The following PSPC1 variants were observed in gnomAD, a reference collection of about 807,000 sequenced individuals.
PSPC1 encodes paraspeckle protein 1.
Under a neutral mutation model 51.6 loss-of-function variants are expected in PSPC1, and 14 were observed. That is an observed-to-expected ratio of 0.27 (90% CI 0.18 to 0.42). PSPC1 has a LOEUF of 0.42. PSPC1 is among the 10% of genes least tolerant of loss of function. The probability of loss-of-function intolerance (pLI) is 1.00; values close to 1 mark genes in which losing one functional copy is unlikely to be tolerated. For missense variants in PSPC1, 406 were observed against 701.1 expected (o/e 0.58, Z 4.75); for synonymous variants, 193 against 231.9 (o/e 0.83, Z 1.53).
intron 6 of PSPC1, among the ~76,000 whole-genome samples, chr13:19,718,203 G>C (rs1191006339): frequency 1.5e-4 from 23 of 152,024 alleles, no homozygotes; most frequent in Admixed American, 1.5e-3. Flanking sequence ...TCCAATATAT[G>C]TTATTCGCTG....
At chr13:19,754,477 G>GTTTTTT (rs1886876749) in intron 3 of PSPC1, among the ~76,000 whole-genome samples, 1 of 132,710 alleles carries the variant, frequency 7.5e-6, no homozygotes, top group Non-Finnish European at 1.6e-5. Context: ...TTTTGAGACA[G>GTTTTTT]TCTCGCTCTG....
chr13:19,672,524 A>C (rs1346190129), downstream of PSPC1: 1 of 151,724 alleles, frequency 6.6e-6, no homozygotes, highest in Admixed American at 6.6e-5. Context: ...AAAAGGAAAA[A>C]TTCAGCTCTA....
At chr13:19,754,746 A>G (rs1359180630) in intron 3 of PSPC1, among the ~76,000 whole-genome samples, 1 of 152,186 alleles carries the variant, frequency 6.6e-6, no homozygotes, top group Non-Finnish European at 1.5e-5. Context: ...AGCCATAACT[A>G]GCTCTTAAGT....
At chr13:19,769,248 A>G (rs566234865) in intron 2 of PSPC1, among the ~76,000 whole-genome samples, 1 of 150,192 alleles carries the variant, frequency 6.7e-6, no homozygotes, top group Non-Finnish European at 1.5e-5. Context: ...GACCACCCTC[A>G]CCAACACGTA....
At position 19,759,242 on chromosome 13, in the gene PSPC1, C is replaced by T. The variant is rs558778169; in HGVS notation, c.770+81G>A. 138 of 1,071,436 alleles carry T rather than the reference C, an allele frequency of 1.3e-4. 1 individual carries two copies. In the South Asian group the frequency reaches 1.8e-3, roughly 14 times the overall value. 66.4% of individuals were successfully genotyped at this position (1,071,436 alleles called of 1,614,324 possible). A position where few individuals can be genotyped will look rare whatever the true frequency, so the allele number is the denominator to read the frequency against. Reference sequence around the variant, plus strand: ...CAGATTATATAAATAAACAGAACACCTCATAATCCAATATTTGAAAACAAA... The same window carrying T: ...CAGATTATATAAATAAACAGAACACTTCATAATCCAATATTTGAAAACAAA... On this transcript the variant is annotated intron_variant, in intron 3 of 8. Transcript: ENST00000338910.
chr13:19,758,854 A>AT (rs1418545692), intron 3 of PSPC1, among the ~76,000 whole-genome samples: 1 of 151,796 alleles, frequency 6.6e-6, no homozygotes, highest in Admixed American at 6.6e-5. Context: ...AAAAAAAAAA[A>AT]GTATTTTCAT....
intron 6 of PSPC1, among the ~76,000 whole-genome samples, chr13:19,716,156 C>T (rs1184983391): frequency 6.6e-6 from 1 of 152,140 alleles, no homozygotes; most frequent in Non-Finnish European, 1.5e-5. Context: ...ACATAATACA[C>T]AAATGTTTCA....
intron 1 of PSPC1, among the ~76,000 whole-genome samples, chr13:19,774,840 AAAAG>A (rs781410148): frequency 1.2e-4 from 18 of 151,168 alleles, no homozygotes; most frequent in South Asian, 4.2e-4. Flanking sequence ...AAGAAAAAGA[AAAAG>A]AAAGAAAGAA....
At chr13:19,712,480 C>G (rs555547082) in intron 6 of PSPC1, among the ~76,000 whole-genome samples, 1 of 152,132 alleles carries the variant, frequency 6.6e-6, no homozygotes, top group African/African-American at 2.4e-5. Flanking sequence ...TTATTATTCA[C>G]AAAGTACCTT....
At chr13:19,671,857 C>T, downstream of PSPC1, 3 of 1,614,106 alleles carry the variant, frequency 1.9e-6, no homozygotes, top group Non-Finnish European at 2.5e-6. Context: ...TAGGTGCATA[C>T]AGAGTGCAGC....
chr13:19,674,891 C>G (rs1189042130), exon 8 of PSPC1: 1 of 152,236 alleles, frequency 6.6e-6, no homozygotes, highest in Non-Finnish European at 1.5e-5. Context: ...TAGACTTCCA[C>G]TGACTTGCAG....
chr13:19,731,394 C>T (rs1884094923), intron 5 of PSPC1, among the ~76,000 whole-genome samples: 1 of 137,186 alleles, frequency 7.3e-6, no homozygotes, highest in African/African-American at 2.5e-5. Context: ...ACCTGAAATG[C>T]TCCAAAATCT....
At chr13:19,687,301 C>T (rs1878012127) in intron 6 of PSPC1, among the ~76,000 whole-genome samples, 1 of 152,140 alleles carries the variant, frequency 6.6e-6, no homozygotes, top group African/African-American at 2.4e-5. Context: ...CTGCAGTGTT[C>T]TATGGAGCTT....
chr13:19,771,399 G>A (rs908926456), intron 2 of PSPC1, among the ~76,000 whole-genome samples: 10 of 152,176 alleles, frequency 6.6e-5, no homozygotes, highest in Admixed American at 6.6e-5. Flanking sequence ...GGGCCTCCCA[G>A]AGTGCTGGGA....
chr13:19,749,608 C>A (rs1483516773), intron 4 of PSPC1, among the ~76,000 whole-genome samples: 1 of 149,018 alleles, frequency 6.7e-6, no homozygotes, highest in Non-Finnish European at 1.5e-5. Context: ...ACAACTTGCA[C>A]ATTTTCCACA....
intron 5 of PSPC1, among the ~76,000 whole-genome samples, chr13:19,732,022 G>A (rs550664936): frequency 2.6e-5 from 4 of 152,202 alleles, no homozygotes; most frequent in African/African-American, 9.6e-5. Flanking sequence ...CAAATTTCAA[G>A]ATACCTTGTT....
At chr13:19,757,016 G>A (rs890225509) in intron 3 of PSPC1, among the ~76,000 whole-genome samples, 1 of 151,766 alleles carries the variant, frequency 6.6e-6, no homozygotes, top group African/African-American at 2.4e-5. Flanking sequence ...TACAGTCCCA[G>A]CTACTTGGGA....
intron 2 of PSPC1, among the ~76,000 whole-genome samples, chr13:19,761,201 A>G (rs574045000): frequency 1.4e-4 from 21 of 152,254 alleles, no homozygotes; most frequent in African/African-American, 4.6e-4. Flanking sequence ...AAGGGAAGGC[A>G]GAAGACACCA....
rs372472178 is a variant in PSPC1 at position 19,732,798 on chromosome 13, G to A, written c.1053-2454C>T. 5.9e-5 allele frequency among the ~76,000 whole-genome samples: 9 copies of A among 152,092 alleles called. No individual in the cohort carries two copies. The East Asian group carries it at 1.2e-3, about 20-fold the overall frequency. On this transcript the variant is annotated intron_variant, in intron 5 of 8. Transcript: ENST00000338910. ...AAAAATTTGCTGGACGCGGTGGCACGTGCATGTAATCCCAGCTACTCGGGA... is the reference window on the plus strand; with the variant it reads ...AAAAATTTGCTGGACGCGGTGGCACATGCATGTAATCCCAGCTACTCGGGA...
Sources: allele counts gnomAD v4.1 joint callset (sites outside exome capture counted in the v4.1 genomes callset), GRCh38; gene constraint gnomAD v4.1.1; transcripts MANE v1.5; gene names NCBI Gene and HGNC (gene_info 2026-07-23, HGNC 2026-07-21).